PTPRN2: variants seen among roughly 807,000 people sequenced by gnomAD.
The protein encoded by PTPRN2 is protein tyrosine phosphatase receptor type N2, also known as receptor-type tyrosine-protein phosphatase N2.
A neutral mutation model predicts 118.8 loss-of-function variants in PTPRN2; 74 were observed. That is an observed-to-expected ratio of 0.62 (90% CI 0.52 to 0.76). The LOEUF (loss-of-function observed/expected upper bound fraction) is 0.76. PTPRN2 is among the 30% of genes least tolerant of loss of function. The pLI is 0.00. For synonymous variants in PTPRN2, 641 were observed against 608.0 expected, an observed-to-expected ratio of 1.05 and a Z score of -0.80; for missense variants, 1,481 against 1,394.4, an observed-to-expected ratio of 1.06 and a Z score of -0.99.
rs148201073 is a variant in PTPRN2, at chr7:158,421,432, G to C, written c.163+68303C>G. Among the ~76,000 whole-genome samples the C allele has an allele frequency of 1.5e-3, 233 of 152,300 alleles. 5 individuals are homozygous for C. Among genetic ancestry groups the C allele is most frequent in the South Asian group, 8.3e-3 (40 of 4,826 alleles). On this transcript the variant is annotated intron_variant, in intron 2 of 22. Coordinates refer to ENST00000389418, the MANE Select transcript of PTPRN2 (RefSeq NM_002847.5). ...TTTCATTATTTATGCAAAGTGCATC[G>C]ACAAAGCGACATTGAAAGTTTTTGC...
chr7:157,902,637 T>C (rs1797539719), intron 11 of PTPRN2, among the ~76,000 whole-genome samples: 1 of 152,208 alleles, frequency 6.6e-6, no homozygotes, highest in South Asian at 2.1e-4. Context: ...GTGGAGGCAC[T>C]CAGTGGAGGG....
chr7:158,331,447 C>T (rs1448168332), intron 2 of PTPRN2, among the ~76,000 whole-genome samples: 1 of 148,200 alleles, frequency 6.7e-6, no homozygotes, highest in Non-Finnish European at 1.5e-5. Flanking sequence ...ATACTCTCAC[C>T]ATAAGAGCTG....
chr7:158,395,253 GCACCTGCGCC>G (rs1351310209), intron 2 of PTPRN2, among the ~76,000 whole-genome samples: 2 of 147,892 alleles, frequency 1.4e-5, no homozygotes, highest in African/African-American at 5.0e-5. Flanking sequence ...CCCCGTGCGG[GCACCTGCGCC>G]CAGGGCTGTC....
At chr7:157,592,143 A>G (rs1386167361) in intron 17 of PTPRN2, among the ~76,000 whole-genome samples, 1 of 152,216 alleles carries the variant, frequency 6.6e-6, no homozygotes, top group Non-Finnish European at 1.5e-5. Flanking sequence ...CTTATTTCAT[A>G]CAGAGATGCA....
At chr7:158,379,484 C>T (rs1412546434) in intron 2 of PTPRN2, among the ~76,000 whole-genome samples, 3 of 152,210 alleles carry the variant, frequency 2.0e-5, no homozygotes, top group Admixed American at 6.5e-5. Context: ...CAAACTCACA[C>T]TCACAGCCCA....
intron 2 of PTPRN2, among the ~76,000 whole-genome samples, chr7:158,405,240 T>G (rs1260578349): frequency 2.0e-5 from 3 of 152,078 alleles, no homozygotes; most frequent in African/African-American, 7.2e-5. Context: ...AATTCCTGGG[T>G]GTCACATCCC....
chr7:158,014,925 A>G (rs1232210284), intron 11 of PTPRN2, among the ~76,000 whole-genome samples: 1 of 152,234 alleles, frequency 6.6e-6, no homozygotes, highest in Non-Finnish European at 1.5e-5. Context: ...GTTTCAAAAA[A>G]GATTTGATTG....
intron 11 of PTPRN2, among the ~76,000 whole-genome samples, chr7:158,013,424 C>T (rs1806184681): frequency 6.6e-6 from 1 of 152,092 alleles, no homozygotes; most frequent in East Asian, 1.9e-4. Context: ...ATCCATCCCT[C>T]CAGCCTGCCT....
chr7:158,332,876 TAAG>T lies in PTPRN2; in HGVS notation c.164-15947_164-15945del, dbSNP rs1355354383. On this transcript the variant is annotated intron_variant, in intron 2 of 22. Coordinates refer to ENST00000389418, the MANE Select transcript of PTPRN2 (RefSeq NM_002847.5). ...GTCACTCACACCCACACTCTCACCATAAGAAGTGACACCTGCAAACGTCACTCA... is the reference window on the plus strand; with the variant it reads ...GTCACTCACACCCACACTCTCACCATAAGTGACACCTGCAAACGTCACTCA... Among the ~76,000 whole-genome samples the T allele has an allele frequency of 8.8e-3, 1,294 of 146,500 alleles. 10 individuals carry two copies. The highest frequency in any genetic ancestry group is 0.033 in the African/African-American group (1,221 of 36,942).
chr7:158,112,445 G>GAGTGC (rs1816362113), intron 9 of PTPRN2, among the ~76,000 whole-genome samples: 1 of 152,180 alleles, frequency 6.6e-6, no homozygotes, highest in Non-Finnish European at 1.5e-5. Flanking sequence ...GCCTGGAGAC[G>GAGTGC]AGTGCAGGAG....
At chr7:157,822,841 C>T (rs559752973) in intron 12 of PTPRN2, among the ~76,000 whole-genome samples, 1 of 151,962 alleles carries the variant, frequency 6.6e-6, no homozygotes, top group African/African-American at 2.4e-5. Flanking sequence ...ATCCATCTAT[C>T]CATCCACCCA....
At chr7:158,091,281 T>TTGAC (rs1306695780) in intron 10 of PTPRN2, among the ~76,000 whole-genome samples, 3 of 152,360 alleles carry the variant, frequency 2.0e-5, no homozygotes, top group South Asian at 4.1e-4. Flanking sequence ...CTAGATTCCC[T>TTGAC]TGACTTTTTG....
At chr7:157,651,328 C>A (rs1391706831) in intron 14 of PTPRN2, among the ~76,000 whole-genome samples, 1 of 152,216 alleles carries the variant, frequency 6.6e-6, no homozygotes, top group Non-Finnish European at 1.5e-5. Context: ...CCTCAGGACT[C>A]TCCAAGGATG....
chr7:157,960,753 TC>T (rs746185134), intron 11 of PTPRN2, among the ~76,000 whole-genome samples: 18 of 152,370 alleles, frequency 1.2e-4, no homozygotes, highest in East Asian at 1.2e-3. Context: ...ACGCCTGTAA[TC>T]CCAGCACTCT....
intron 2 of PTPRN2, among the ~76,000 whole-genome samples, chr7:158,440,806 ATGG>A (rs1326332352): frequency 1.0e-3 from 46 of 44,036 alleles, no homozygotes; most frequent in East Asian, 4.5e-3. Context: ...GGTAGTGGTG[ATGG>A]TGGTAGTAGT....
chr7:158,380,134 GC>G (rs1810856326), intron 2 of PTPRN2, among the ~76,000 whole-genome samples: 1 of 152,100 alleles, frequency 6.6e-6, no homozygotes. Flanking sequence ...ATATCATTAT[GC>G]CCCTGGCCTC....
chr7:157,826,797 A>T (rs1192624056), intron 12 of PTPRN2, among the ~76,000 whole-genome samples: 4 of 152,104 alleles, frequency 2.6e-5, no homozygotes, highest in Non-Finnish European at 4.4e-5. Flanking sequence ...TGGGCAGAAC[A>T]TGGCTTTAGG....
chr7:158,068,372 G>A (rs1416440686), intron 11 of PTPRN2, among the ~76,000 whole-genome samples: 1 of 152,226 alleles, frequency 6.6e-6, no homozygotes, highest in Non-Finnish European at 1.5e-5. Context: ...TCCCACGCCA[G>A]GACCATTAGG....
chr7:158,151,104 TTCTGCTCCTACCCCTGCCCACACC>T (rs1821020213), intron 6 of PTPRN2, among the ~76,000 whole-genome samples: 1 of 11,174 alleles, frequency 8.9e-5, no homozygotes, highest in African/African-American at 2.8e-4. Context: ...CCGCCCGCCT[TTCTGCTCCTACCCCTGCCCACACC>T]GCCCGCCTTT....
Sources: gnomAD v4.1 joint callset for allele counts (sites outside exome capture counted in the v4.1 genomes callset) on GRCh38, gnomAD v4.1.1 for gene constraint, MANE v1.5 for transcripts, NCBI Gene and HGNC (gene_info 2026-07-23, HGNC 2026-07-21) for gene names.